The following CNTN4 variants were observed in gnomAD, a reference collection of about 807,000 sequenced individuals.
CNTN4 encodes the protein contactin-4.
In CNTN4, 77 loss-of-function variants were observed where a neutral mutation model predicts 122.5. That is an observed-to-expected ratio of 0.63 (90% CI 0.52 to 0.76). The LOEUF (loss-of-function observed/expected upper bound fraction) is 0.76, where lower values mean the gene tolerates loss of function less well. Among genes scored for constraint, CNTN4 ranks in the 30% least tolerant of loss-of-function variants. The probability of loss-of-function intolerance (pLI) is 0.00; values close to 1 mark genes in which losing one functional copy is unlikely to be tolerated. For missense variants in CNTN4, 1,256 were observed against 1,259.1 expected (o/e 1.00, Z 0.04); for synonymous variants, 512 against 447.0 (o/e 1.15, Z -1.83).
At chr3:2,458,833 A>G (rs1472515983) in intron 3 of CNTN4, among the ~76,000 whole-genome samples, 1 of 152,194 alleles carries the variant, frequency 6.6e-6, no homozygotes, top group Non-Finnish European at 1.5e-5. Flanking sequence ...CCTGGTGACT[A>G]TAATGCAGGG....
chr3:2,312,462 G>A (rs888753429), intron 2 of CNTN4, among the ~76,000 whole-genome samples: 2 of 151,978 alleles, frequency 1.3e-5, no homozygotes, highest in South Asian at 2.1e-4. Context: ...AATCTTGCTG[G>A]TGTAAACTTC....
chr3:2,627,765 T>C (rs190022944), intron 4 of CNTN4, among the ~76,000 whole-genome samples: 6 of 152,272 alleles, frequency 3.9e-5, no homozygotes, highest in South Asian at 2.1e-4. Context: ...AGTGCTGGGA[T>C]TACAGGCGTG....
intron 2 of CNTN4, among the ~76,000 whole-genome samples, chr3:2,205,671 A>G (rs1169514578): frequency 2.0e-5 from 3 of 152,120 alleles, no homozygotes; most frequent in East Asian, 3.9e-4. Context: ...TGCTCATGCA[A>G]TTTTAAAACA....
In CNTN4 at chr3:2,878,970, G is replaced by A. The variant is rs141365970; in HGVS notation, c.653-4175G>A. 5.8e-3 allele frequency among the ~76,000 whole-genome samples: 881 copies of A among 152,282 alleles called. 12 individuals carry two copies. The highest frequency in any genetic ancestry group is 0.02 in the African/African-American group (837 of 41,552). On this transcript the variant is annotated intron_variant, in intron 8 of 24. Transcript: ENST00000418658. ...GGTCATGGAAGCATTATTGGTAATA[G>A]CTAAAAGTGGAAGCCACCCAAATGC... is the stretch of plus-strand genomic sequence containing the variant.
chr3:2,419,294 G>T (rs2047530641), intron 3 of CNTN4, among the ~76,000 whole-genome samples: 1 of 152,040 alleles, frequency 6.6e-6, no homozygotes, highest in Non-Finnish European at 1.5e-5. Context: ...CTGTATCTTA[G>T]AACATTCAAC....
chr3:2,332,541 T>C (rs114389920), intron 2 of CNTN4, among the ~76,000 whole-genome samples: 2,252 of 152,014 alleles, frequency 0.015, 64 homozygotes, highest in African/African-American at 0.052. Context: ...CTGTTCTGAG[T>C]AGTATTAGGT....
At chr3:2,931,527 A>G (rs1237651054) in intron 13 of CNTN4, among the ~76,000 whole-genome samples, 1 of 152,226 alleles carries the variant, frequency 6.6e-6, no homozygotes, top group East Asian at 1.9e-4. Context: ...TTTCCCAGTA[A>G]CATACTTAAA....
intron 14 of CNTN4, among the ~76,000 whole-genome samples, chr3:2,997,082 G>A (rs1010054892): frequency 9.9e-5 from 15 of 152,174 alleles, no homozygotes; most frequent in Non-Finnish European, 1.9e-4. Flanking sequence ...TTCATTAAAT[G>A]TTTAAATCTC....
chr3:2,914,024 T>C (rs192759679), intron 12 of CNTN4, among the ~76,000 whole-genome samples: 1 of 152,076 alleles, frequency 6.6e-6, no homozygotes. Flanking sequence ...TCCACAAATA[T>C]GTAAAAATTG....
rs1347304317 is a variant in CNTN4 at position 2,492,769 on chromosome 3, G to C, written c.-88-78647G>C. On this transcript the variant is annotated intron_variant, in intron 3 of 24. Transcript: ENST00000418658. The stretch of plus-strand genomic sequence containing the variant: ...GGAGAGGAATGAAGCAAATAAACTT[G>C]GATTAGCTGTCTTTGTTGATATCGT... Among the ~76,000 whole-genome samples, 3 of 152,114 alleles carry C rather than the reference G, an allele frequency of 2.0e-5. No homozygotes were observed. The East Asian group carries it at 5.8e-4, about 29-fold the overall frequency.
Position 2,241,373 on chromosome 3 carries a change from G to A in CNTN4, c.-144-97805G>A, listed in dbSNP as rs182705316. On this transcript the variant is annotated intron_variant, in intron 2 of 24. Transcript: ENST00000418658. ...AGAGTGTTCCCACGATTATTTCTCCGCTTTTCTAATCATCAACTCATTATA... is the reference window on the plus strand; with the variant it reads ...AGAGTGTTCCCACGATTATTTCTCCACTTTTCTAATCATCAACTCATTATA... 2.3e-3 allele frequency among the ~76,000 whole-genome samples: 348 copies of A among 152,076 alleles called. 4 individuals carry two copies. The highest frequency in any genetic ancestry group is 1.2e-3 in the East Asian group (6 of 5,170).
rs542274396 is a variant in CNTN4 at position 2,604,253 on chromosome 3, T to A, written c.55+32695T>A. On this transcript the variant is annotated intron_variant, in intron 4 of 24. Coordinates refer to ENST00000418658, the MANE Select transcript of CNTN4 (RefSeq NM_175607.3). ...CATTATGCTAATCTGTTATTTTTTT[T>A]AAAAAGTGGAGGATTTCCCTGACTT... is the stretch of plus-strand genomic sequence containing the variant. 1.1e-3 allele frequency among the ~76,000 whole-genome samples: 163 copies of A among 152,248 alleles called. 2 individuals are homozygous for A. The highest frequency in any genetic ancestry group is 8.9e-3 in the Admixed American group (136 of 15,284).
chr3:2,137,985 T>C (rs1574917302), intron 2 of CNTN4, among the ~76,000 whole-genome samples: 2 of 152,076 alleles, frequency 1.3e-5, no homozygotes, highest in Non-Finnish European at 2.9e-5. Flanking sequence ...GTAACCAAGC[T>C]GCAAAGAGGC....
At chr3:2,473,625 T>C (rs2075756349) in intron 3 of CNTN4, among the ~76,000 whole-genome samples, 1 of 152,216 alleles carries the variant, frequency 6.6e-6, no homozygotes, top group African/African-American at 2.4e-5. Flanking sequence ...ATGCCTGTCA[T>C]TGCAGAAAGT....
intron 2 of CNTN4, among the ~76,000 whole-genome samples, chr3:2,274,614 C>A (rs1212269272): frequency 1.3e-5 from 2 of 151,928 alleles, no homozygotes; most frequent in Non-Finnish European, 2.9e-5. Context: ...TTAAAGCTGT[C>A]TCCAATGGCA....
At chr3:2,794,258 AC>A (rs1287934125) in intron 6 of CNTN4, among the ~76,000 whole-genome samples, 3 of 152,188 alleles carry the variant, frequency 2.0e-5, no homozygotes, top group African/African-American at 7.2e-5. Context: ...AAAAAGACTT[AC>A]AGGCAGGAAG....
chr3:2,303,852 G>A (rs1189412145), intron 2 of CNTN4, among the ~76,000 whole-genome samples: 1 of 152,128 alleles, frequency 6.6e-6, no homozygotes, highest in African/African-American at 2.4e-5. Flanking sequence ...AATCTGGGTA[G>A]GAGCACAGCG....
At chr3:2,923,429 C>T (rs2094446398) in intron 12 of CNTN4, among the ~76,000 whole-genome samples, 1 of 151,904 alleles carries the variant, frequency 6.6e-6, no homozygotes, top group South Asian at 2.1e-4. Flanking sequence ...GGAATGATGT[C>T]AGTATAACAT....
intron 3 of CNTN4, among the ~76,000 whole-genome samples, chr3:2,340,007 G>A (rs575130189): frequency 6.6e-6 from 1 of 152,296 alleles, no homozygotes; most frequent in South Asian, 2.1e-4. Context: ...AGTTCACGTG[G>A]CTGTCTCCCC....
Sources: gnomAD v4.1 joint callset for allele counts (sites outside exome capture counted in the v4.1 genomes callset) on GRCh38, gnomAD v4.1.1 for gene constraint, MANE v1.5 for transcripts, NCBI Gene and HGNC (gene_info 2026-07-23, HGNC 2026-07-21) for gene names.